The following PPP1R9B variants were observed in gnomAD, a reference collection of about 807,000 sequenced individuals.
PPP1R9B encodes the protein neurabin-2.
PPP1R9B carries 17 observed loss-of-function variants against 75.8 expected under a neutral mutation model. That is an observed-to-expected ratio of 0.22 (90% CI 0.15 to 0.34). The LOEUF is 0.34. PPP1R9B is among the 10% of genes least tolerant of loss of function. The pLI, the probability that PPP1R9B is intolerant of heterozygous loss-of-function variation, is 1.00. For missense variants in PPP1R9B, 875 were observed against 1,196.0 expected (o/e 0.73, Z 3.96); for synonymous variants, 509 against 535.4 (o/e 0.95, Z 0.68).
chr17:50,144,024 CA>C (rs1912453287), intron 2 of PPP1R9B, among the ~76,000 whole-genome samples: 1 of 152,144 alleles, frequency 6.6e-6, no homozygotes, highest in South Asian at 2.1e-4. Context: ...TGGGGGTAGC[CA>C]GGATGGGGGT....
At position 50,139,189 on chromosome 17, in the gene PPP1R9B, T is replaced by C; in HGVS notation, c.2073+74A>G. On this transcript the variant is annotated intron_variant, in intron 7 of 9. Transcript: ENST00000612501. This position sits in a 1 kb window ranked among gnomAD's most constrained non-coding sequence, Gnocchi z 5.0. ...GTGCCTAAGTGTCAGCATGTGCAGG[T>C]GTGAGGGTAGGGGGACCCTGCTCCT... 2 of 1,540,496 alleles carry C rather than the reference T, an allele frequency of 1.3e-6. No individual in the cohort carries two copies. The highest frequency in any genetic ancestry group is 1.8e-6 in the Non-Finnish European group (2 of 1,113,058).
Position 50,135,263 on chromosome 17 carries a change from G to A in PPP1R9B, c.*68C>T. ...AGGCTGGAAGGGGGAGGGGTGGGGTGTTGAGGACAGGGGAGGGAGGACAAT... is the reference window on the plus strand; with the variant it reads ...AGGCTGGAAGGGGGAGGGGTGGGGTATTGAGGACAGGGGAGGGAGGACAAT... On this transcript the variant is annotated 3_prime_UTR_variant, in exon 10 of 10. Coordinates refer to ENST00000612501, the MANE Select transcript of PPP1R9B (RefSeq NM_032595.5). 1.4e-6 allele frequency: 2 copies of A among 1,382,444 alleles called. No individual in the cohort carries two copies. Among genetic ancestry groups the A allele is most frequent in the Non-Finnish European group, 2.0e-6 (2 of 978,562 alleles). 85.6% of individuals were successfully genotyped at this position (1,382,444 alleles called of 1,614,324 possible).
Position 50,149,921 on chromosome 17 carries a change from T to G in PPP1R9B, c.593A>C (p.Lys198Thr). ...RFNGSTEALD[K>T]LDADAVSPTV... The stretch of plus-strand genomic sequence containing the variant: ...GGGGGACACGGCGTCAGCGTCCAGC[T>G]TGTCCAGCGCCTCGGTGCTGCCGTT... Residue 198 changes from lysine to threonine, a missense_variant, in exon 1 of 10, where the codon AAG (lysine) becomes ACG (threonine). By Grantham distance (78) the Lys-to-Thr change is moderately conservative. This residue lies in a region of PPP1R9B where 449 missense variants were observed against 475.0 expected (regional missense o/e 0.95). Coordinates refer to ENST00000612501, the MANE Select transcript of PPP1R9B (RefSeq NM_032595.5). This position sits in a 1 kb window ranked among gnomAD's most constrained non-coding sequence, Gnocchi z 7.2. The G allele has an allele frequency of 6.6e-7, 1 of 1,509,962 alleles. No homozygotes were observed. The highest frequency in any genetic ancestry group is 1.4e-5 in the African/African-American group (1 of 69,210). 93.5% of individuals were successfully genotyped at this position (1,509,962 alleles called of 1,614,324 possible).
At chr17:50,143,890 G>A (rs1316245028) in intron 2 of PPP1R9B, among the ~76,000 whole-genome samples, 172 bp from the exon 3 acceptor site, 1 of 152,224 alleles carries the variant, frequency 6.6e-6, no homozygotes, top group Non-Finnish European at 1.5e-5. Flanking sequence ...AGTCTACTAG[G>A]ATGGCTCCTG....
chr17:50,143,677 C>T lies in PPP1R9B; in HGVS notation c.1546G>A (p.Gly516Arg). The T allele has an allele frequency of 6.2e-7, 1 of 1,613,990 alleles. No homozygotes were observed. The highest frequency in any genetic ancestry group is 8.5e-7 in the Non-Finnish European group (1 of 1,179,880). Reference protein sequence around the residue: ...LGISIIGMGAGADMGLEKLGI... With the variant: ...LGISIIGMGARADMGLEKLGI... ...AGCTTCTCCAGGCCCATGTCTGCCC[C>T]GGCGCCCATGCCGATGATGCTGATG... The change falls in exon 3 of 10, where the codon GGG (glycine) becomes AGG (arginine). Residue 516 changes from glycine (G) to arginine (R), a missense_variant. Gly to Arg is a moderately radical substitution (Grantham distance 125). Coordinates refer to ENST00000612501, the MANE Select transcript of PPP1R9B (RefSeq NM_032595.5).
intron 1 of PPP1R9B, among the ~76,000 whole-genome samples, chr17:50,148,853 A>G (rs2144458517): frequency 6.6e-6 from 1 of 152,354 alleles, no homozygotes; most frequent in Non-Finnish European, 1.5e-5. Context: ...CAGGTGTCCC[A>G]GGACCCGCGT....
rs1383410721 is a variant in PPP1R9B at position 50,149,420 on chromosome 17, C to T, written c.1094G>A (p.Gly365Glu). 3.1e-6 allele frequency: 5 copies of T among 1,610,600 alleles called. No homozygotes were observed. Among genetic ancestry groups the T allele is most frequent in the South Asian group, 1.1e-5 (1 of 90,968 alleles). The stretch of plus-strand genomic sequence containing the variant: ...GTCCGGGGCCCGGCCATTGCCCACC[C>T]CCCTCTCTGGCGGCGCTACCGCCGC... ...EAAAVAPPER[G>E]VGNGRAPDVA... Residue 365 changes from glycine to glutamate, a missense_variant, in exon 1 of 10, where the codon GGG (glycine) becomes GAG (glutamate). Physicochemically the swap from Gly to Glu is moderately conservative, Grantham distance 98. Coordinates refer to ENST00000612501, the MANE Select transcript of PPP1R9B (RefSeq NM_032595.5). This position sits in a 1 kb window ranked among gnomAD's most constrained non-coding sequence, Gnocchi z 7.2.
rs1452254677 is a variant in PPP1R9B, at chr17:50,135,401, G to A, written c.2401-17C>T. 3 of 1,613,090 alleles carry A rather than the reference G, an allele frequency of 1.9e-6. No homozygotes were observed. Among genetic ancestry groups the A allele is most frequent in the South Asian group, 1.1e-5 (1 of 91,072 alleles). On this transcript the variant is annotated splice_polypyrimidine_tract_variant and intron_variant, in intron 9 of 9. Coordinates refer to ENST00000612501, the MANE Select transcript of PPP1R9B (RefSeq NM_032595.5). ...TTCTGAGATCTGGAAAACAAAGGAG[G>A]GTAGGGGGTCAGGTCTGGACACCAG...
At chr17:50,147,858 G>C (rs56719544) in intron 1 of PPP1R9B, among the ~76,000 whole-genome samples, 24,435 of 152,110 alleles carry the variant, frequency 0.16, 2,180 homozygotes, top group African/African-American at 0.23. Flanking sequence ...TGGGAGAGGG[G>C]CAGAGGCTGA....
At chr17:50,147,091 TGG>T (rs1912535841) in intron 1 of PPP1R9B, among the ~76,000 whole-genome samples, 2 of 152,222 alleles carry the variant, frequency 1.3e-5, no homozygotes, top group Admixed American at 1.3e-4. Flanking sequence ...CAGCCTGTCC[TGG>T]GCTGCACCCT....
At position 50,150,580 on chromosome 17, in the gene PPP1R9B, G is replaced by A. The variant is rs1912671289; in HGVS notation, c.-67C>T. The A allele has an allele frequency of 8.0e-7, 1 of 1,251,146 alleles. No individual in the cohort carries two copies. The highest frequency in any genetic ancestry group is 1.0e-6 in the Non-Finnish European group (1 of 998,326). The allele number at this position is 1,251,146 out of a possible 1,614,324, so 77.5% of individuals were successfully genotyped here. A position where few individuals can be genotyped will look rare whatever the true frequency, so the allele number is the denominator to read the frequency against. The stretch of plus-strand genomic sequence containing the variant: ...CCCGCTTCAACAGGCGGCTGGCCAA[G>A]TCGGGACCACCGCCCCCTCCCCCCG... On this transcript the variant is annotated 5_prime_UTR_variant, in exon 1 of 10. Transcript: ENST00000612501. This position sits in a 1 kb window ranked among gnomAD's most constrained non-coding sequence, Gnocchi z 8.7.
chr17:50,148,711 A>G (rs1203411967), intron 1 of PPP1R9B, among the ~76,000 whole-genome samples: 1 of 152,226 alleles, frequency 6.6e-6, no homozygotes, highest in Non-Finnish European at 1.5e-5. Flanking sequence ...ACAGGGGGAA[A>G]GCACCCCGGC....
intron 7 of PPP1R9B, among the ~76,000 whole-genome samples, chr17:50,137,741 G>A (rs908551727): frequency 6.6e-6 from 1 of 152,210 alleles, no homozygotes; most frequent in Admixed American, 6.5e-5. Flanking sequence ...AGTCTTTAGA[G>A]GGGAGGCAGG....
intron 3 of PPP1R9B, among the ~76,000 whole-genome samples, chr17:50,143,281 G>A (rs993021743): frequency 6.6e-6 from 1 of 152,154 alleles, no homozygotes; most frequent in Admixed American, 6.5e-5. Flanking sequence ...CTCCATGCCT[G>A]TCTTCTCCCT....
rs1054570061 is a variant in PPP1R9B, at chr17:50,149,739, G to A, written c.775C>T (p.Pro259Ser). Residue 259 changes from proline to serine, a missense_variant, in exon 1 of 10, where the codon CCC (proline) becomes TCC (serine). Pro to Ser is a moderately conservative substitution (Grantham distance 74). Around this residue, in one of 4 missense-constraint regions of PPP1R9B, gnomAD observed 449 missense variants for 475.0 expected, o/e 0.95. Coordinates refer to ENST00000612501, the MANE Select transcript of PPP1R9B (RefSeq NM_032595.5). This position sits in a 1 kb window ranked among gnomAD's most constrained non-coding sequence, Gnocchi z 7.2. ...GCCGGGGCATCCCCCGACGGGGCGG[G>A]CGGCGGCGGCGGCGGGGGCTGGAAC... ...RVFQPPPPPP[P>S]APSGDAPAEK... The A allele has an allele frequency of 2.2e-6, 3 of 1,365,900 alleles. No homozygotes were observed. In the African/African-American group the frequency reaches 4.6e-5, roughly 21 times the overall value. 84.6% of individuals were successfully genotyped at this position (1,365,900 alleles called of 1,614,324 possible).
Position 50,145,209 on chromosome 17 carries a change from G to T in PPP1R9B, c.1408C>A (p.Arg470Ser). The change falls in exon 2 of 10, where the codon CGC becomes AGC. Residue 470 changes from arginine to serine, a missense_variant. By Grantham distance (110) the Arg-to-Ser change is moderately radical (BLOSUM62 -1). This residue lies in a region of PPP1R9B where 63 missense variants were observed against 160.2 expected (regional missense o/e 0.39). Transcript: ENST00000612501. ...GCCATGGGATCCACATCCTCGTTGC[G>T]ACGATCGTAATCCTCGTTGGAGTAA... Reference protein sequence around the residue: ...STYSNEDYDRRNEDVDPMAAS... With the variant: ...STYSNEDYDRSNEDVDPMAAS... 1.2e-6 allele frequency: 2 copies of T among 1,613,940 alleles called. No individual in the cohort carries two copies. Among genetic ancestry groups the T allele is most frequent in the Non-Finnish European group, 1.7e-6 (2 of 1,179,892 alleles).
rs781365368 is a variant in PPP1R9B at position 50,135,539 on chromosome 17, C to T, written c.2400+14G>A. 8.0e-5 allele frequency: 129 copies of T among 1,606,620 alleles called. No individual in the cohort carries two copies. Among genetic ancestry groups the T allele is most frequent in the Middle Eastern group, 3.3e-4 (2 of 6,060 alleles). ...CCTCCACTGGGCCCTGCCCACAGGG[C>T]GCCCCAGGCCCACCTTGTCCAGGAG... On this transcript the variant is annotated intron_variant, in intron 9 of 9. Transcript: ENST00000612501.
intron 7 of PPP1R9B, among the ~76,000 whole-genome samples, chr17:50,138,153 CGTGTGTGTGT>C (rs58489923): frequency 0.021 from 3,002 of 146,378 alleles, 77 homozygotes; most frequent in African/African-American, 0.059. Flanking sequence ...GTGTATACTA[CGTGTGTGTGT>C]GTGTGTGTGT....
chr17:50,136,273 G>T, intron 7 of PPP1R9B, 76 bp from the exon 8 acceptor site: 1 of 1,213,330 alleles, frequency 8.2e-7, no homozygotes. Flanking sequence ...TAGCACTGGG[G>T]CCAGAGTCGC....
Sources: gnomAD v4.1 joint callset for allele counts (sites outside exome capture counted in the v4.1 genomes callset) on GRCh38, gnomAD v4.1.1 for gene constraint, gnomAD v4.1.1 regional missense constraint, Gnocchi (gnomAD v3.1) non-coding constraint, MANE v1.5 for transcripts, NCBI Gene and HGNC (gene_info 2026-07-23, HGNC 2026-07-21) for gene names.